MBNL1: variants seen among roughly 807,000 people sequenced by gnomAD.
The protein encoded by MBNL1 is muscleblind like splicing regulator 1, also known as muscleblind-like protein 1.
Under a neutral mutation model 42.2 loss-of-function variants are expected in MBNL1, and 8 were observed. That is an observed-to-expected ratio of 0.19 (90% CI 0.11 to 0.34). MBNL1 has a LOEUF of 0.34. MBNL1 is among the 10% of genes least tolerant of loss of function. MBNL1 has a pLI of 1.00. For missense variants in MBNL1, 309 were observed against 495.3 expected (o/e 0.62, Z 3.57); for synonymous variants, 169 against 173.9 (o/e 0.97, Z 0.22).
chr3:152,298,828 C>T (rs1470557505), intron 1 of MBNL1, among the ~76,000 whole-genome samples: 1 of 152,180 alleles, frequency 6.6e-6, no homozygotes, highest in Non-Finnish European at 1.5e-5. Flanking sequence ...CAGGAGCAGG[C>T]TGTTCAGTGC....
intron 2 of MBNL1, among the ~76,000 whole-genome samples, chr3:152,325,793 CT>C (rs35001363): frequency 1.3e-4 from 19 of 143,524 alleles, no homozygotes; most frequent in African/African-American, 1.3e-4. Flanking sequence ...TGAACTCATT[CT>C]TTTTTTTTTT....
In MBNL1 at chr3:152,390,303, C is replaced by T. The variant is rs545526106; in HGVS notation, c.175-24638C>T. ...AAACCTTTAAAAACTAAGACACAAACGTATATGTTATTTTAGGCCTACACA... is the reference window on the plus strand; with the variant it reads ...AAACCTTTAAAAACTAAGACACAAATGTATATGTTATTTTAGGCCTACACA... On this transcript the variant is annotated intron_variant, in intron 2 of 9. Transcript: ENST00000324210. Among the ~76,000 whole-genome samples the T allele has an allele frequency of 1.1e-4, 16 of 150,874 alleles. No individual in the cohort carries two copies. In the East Asian group the frequency reaches 2.5e-3, roughly 24 times the overall value.
At chr3:152,329,367 A>C (rs2082551134) in intron 2 of MBNL1, among the ~76,000 whole-genome samples, 1 of 152,150 alleles carries the variant, frequency 6.6e-6, no homozygotes, top group South Asian at 2.1e-4. Context: ...TGTCAAATGC[A>C]AATCAAGAAA....
At chr3:152,346,458 A>G (rs1383060192) in intron 2 of MBNL1, among the ~76,000 whole-genome samples, 1 of 152,076 alleles carries the variant, frequency 6.6e-6, no homozygotes, top group Non-Finnish European at 1.5e-5. Flanking sequence ...ATATTGTCCC[A>G]TTATTCTGAG....
chr3:152,433,763 A>AAT, intron 4 of MBNL1, among the ~76,000 whole-genome samples: 1 of 152,020 alleles, frequency 6.6e-6, no homozygotes, highest in Non-Finnish European at 1.5e-5. Context: ...AAAAAAAAAA[A>AAT]AAAAGTTTTT....
In MBNL1 at chr3:152,354,785, TAC is replaced by T. The variant is rs376827946; in HGVS notation, c.174+54419_174+54420del. Reference sequence around the variant, plus strand: ...TGTATTTTCAGAGATAAATACTTGTTACTTAATGTCAGTTTTATAGATGAGGA... The same window carrying T: ...TGTATTTTCAGAGATAAATACTTGTTTTAATGTCAGTTTTATAGATGAGGA... On this transcript the variant is annotated intron_variant, in intron 2 of 9. Transcript: ENST00000324210. Among the ~76,000 whole-genome samples, 302 of 152,346 alleles carry T rather than the reference TAC, an allele frequency of 2.0e-3. 1 individual carries two copies. The highest frequency in any genetic ancestry group is 6.8e-3 in the African/African-American group (282 of 41,586).
chr3:152,280,039 A>C (rs1302116899), intron 1 of MBNL1, among the ~76,000 whole-genome samples: 1 of 152,160 alleles, frequency 6.6e-6, no homozygotes, highest in Non-Finnish European at 1.5e-5. Context: ...TTTTAGAGAA[A>C]AATTTATTTA....
chr3:152,447,524 C>A, intron 5 of MBNL1, 96 bp from the exon 6 acceptor site: 1 of 849,936 alleles, frequency 1.2e-6, no homozygotes, highest in Non-Finnish European at 1.7e-6. Flanking sequence ...TGCTTGCTTG[C>A]TCATGCTTCC....
intron 1 of MBNL1, among the ~76,000 whole-genome samples, chr3:152,293,804 G>T (rs1274265972): frequency 6.6e-6 from 1 of 152,126 alleles, no homozygotes; most frequent in Admixed American, 6.5e-5. Context: ...CTTTTGCAAT[G>T]ATTAGTAAAC....
At chr3:152,356,060 A>G (rs1007938254) in intron 2 of MBNL1, among the ~76,000 whole-genome samples, 2 of 152,208 alleles carry the variant, frequency 1.3e-5, no homozygotes, top group Admixed American at 6.5e-5. Flanking sequence ...TTTGTTTCTC[A>G]TGGGAAGAAG....
At chr3:152,384,563 A>G (rs1057497668) in intron 2 of MBNL1, among the ~76,000 whole-genome samples, 1 of 152,118 alleles carries the variant, frequency 6.6e-6, no homozygotes, top group Non-Finnish European at 1.5e-5. Flanking sequence ...AAGAAACTAC[A>G]TGACAAATAG....
intron 2 of MBNL1, among the ~76,000 whole-genome samples, chr3:152,364,751 G>C (rs1281488254): frequency 6.6e-6 from 1 of 151,790 alleles, no homozygotes; most frequent in East Asian, 1.9e-4. Flanking sequence ...TGTAACCTGA[G>C]GGGAAAAAAA....
intron 2 of MBNL1, among the ~76,000 whole-genome samples, chr3:152,410,613 C>A (rs1337047650): frequency 6.6e-6 from 1 of 152,210 alleles, no homozygotes; most frequent in Non-Finnish European, 1.5e-5. Flanking sequence ...TAGGCTGGGG[C>A]AAAAGTTTTG....
chr3:152,374,523 T>TA (rs1377853600), intron 2 of MBNL1, among the ~76,000 whole-genome samples: 2 of 152,202 alleles, frequency 1.3e-5, no homozygotes, highest in East Asian at 3.8e-4. Flanking sequence ...AGTTGACAGA[T>TA]ATGCCTGGTA....
chr3:152,326,395 T>A (rs748337065), intron 2 of MBNL1, among the ~76,000 whole-genome samples: 125 of 152,194 alleles, frequency 8.2e-4, no homozygotes, highest in Non-Finnish European at 1.6e-3. Flanking sequence ...AATCCCTGCT[T>A]TTAATGATGC....
chr3:152,460,468 G>T (rs1280292064), intron 9 of MBNL1, among the ~76,000 whole-genome samples: 1 of 119,008 alleles, frequency 8.4e-6, no homozygotes, highest in Non-Finnish European at 1.7e-5. Context: ...TGGTGGTGGG[G>T]TCGGGGGAGG....
At chr3:152,268,637 T>C (rs1172643189), upstream of MBNL1, 1 of 410,792 alleles carries the variant, frequency 2.4e-6, no homozygotes, top group Admixed American at 2.9e-5. Context: ...GCCGAGGGGA[T>C]CCACGGCGCC....
intron 2 of MBNL1, among the ~76,000 whole-genome samples, chr3:152,377,808 A>T (rs1023549600): frequency 6.6e-6 from 1 of 152,212 alleles, no homozygotes; most frequent in African/African-American, 2.4e-5. Flanking sequence ...CTATCAAATG[A>T]TGGACACAAG....
At chr3:152,443,261 G>A (rs1289381684) in intron 4 of MBNL1, among the ~76,000 whole-genome samples, 5 of 146,470 alleles carry the variant, frequency 3.4e-5, no homozygotes, top group South Asian at 4.3e-4. Context: ...TTGTTAATGC[G>A]GCAAAGAGTA....
Sources: gnomAD v4.1 joint callset for allele counts (sites outside exome capture counted in the v4.1 genomes callset) on GRCh38, gnomAD v4.1.1 for gene constraint, MANE v1.5 for transcripts, NCBI Gene and HGNC (gene_info 2026-07-23, HGNC 2026-07-21) for gene names.